The following AGAP1 variants were observed in gnomAD, a reference collection of about 807,000 sequenced individuals.
AGAP1 encodes ArfGAP with GTPase domain, ankyrin repeat and PH domain 1.
Under a neutral mutation model 105.3 loss-of-function variants are expected in AGAP1, and 29 were observed. That is an observed-to-expected ratio of 0.28 (90% CI 0.21 to 0.38). The LOEUF (loss-of-function observed/expected upper bound fraction) is 0.38, where lower values mean the gene tolerates loss of function less well. AGAP1 is among the 10% of genes least tolerant of loss of function. The probability of loss-of-function intolerance (pLI) is 1.00; values close to 1 mark genes in which losing one functional copy is unlikely to be tolerated. For synonymous variants in AGAP1, 509 were observed against 485.9 expected (o/e 1.05, Z -0.63); for missense variants, 998 against 1,165.1 (o/e 0.86, Z 2.09).
chr2:235,612,157 G>A lies in AGAP1; in HGVS notation c.164-97022G>A, dbSNP rs115513797. Among the ~76,000 whole-genome samples, 2 of 152,286 alleles carry A rather than the reference G, an allele frequency of 1.3e-5. No individual in the cohort carries two copies. Among genetic ancestry groups the A allele is most frequent in the Non-Finnish European group, 1.5e-5 (1 of 68,030 alleles). ...TTCCAGATGGCTTATTGTTTCACAC[G>A]TTTTCTTTTCTCAGTGAAGCCCAGG... On this transcript the variant is annotated intron_variant, in intron 1 of 17. Coordinates refer to ENST00000304032, the MANE Select transcript of AGAP1 (RefSeq NM_001037131.3). The surrounding 1 kb of genome is among the most constrained non-coding windows in gnomAD (Gnocchi z 4.3).
At chr2:235,542,218 G>A (rs568069685) in intron 1 of AGAP1, among the ~76,000 whole-genome samples, 3 of 114,128 alleles carry the variant, frequency 2.6e-5, no homozygotes, top group East Asian at 4.1e-4. Context: ...AGTGGGTCCC[G>A]GGGGGGGGCC....
chr2:235,669,860 G>C (rs1948279512), intron 1 of AGAP1: 1 of 147,642 alleles, frequency 6.8e-6, no homozygotes, highest in Admixed American at 6.7e-5. Flanking sequence ...CTGACCGGCC[G>C]CCTCGCTTGG....
At position 236,053,273 on chromosome 2, in the gene AGAP1, C is replaced by T. The variant is rs1043407804; in HGVS notation, c.2114+3992C>T. Among the ~76,000 whole-genome samples, 1 of 152,160 alleles carries T rather than the reference C, an allele frequency of 6.6e-6. No individual in the cohort carries two copies. The highest frequency in any genetic ancestry group is 2.4e-5 in the African/African-American group (1 of 41,428). On this transcript the variant is annotated intron_variant, in intron 16 of 17. Transcript: ENST00000304032. This position sits in a 1 kb window ranked among gnomAD's most constrained non-coding sequence, Gnocchi z 4.6. ...TCTCCTGCATGAATGAATGATTGAA[C>T]GAGTAAATGAGTGAAAGCGGGAACT...
rs1225658799 is a variant in AGAP1 at position 235,714,837 on chromosome 2, C to T, written c.223-2720C>T. Among the ~76,000 whole-genome samples the T allele has an allele frequency of 1.3e-5, 2 of 152,162 alleles. No homozygotes were observed. The highest frequency in any genetic ancestry group is 4.8e-5 in the African/African-American group (2 of 41,432). On this transcript the variant is annotated intron_variant, in intron 2 of 17. Transcript: ENST00000304032. This position sits in a 1 kb window ranked among gnomAD's most constrained non-coding sequence, Gnocchi z 4.1. ...GTTTTGAGACAGAGTCTCGCTCTGT[C>T]ACCCAGGCTGGAGTCCAGTGGTGTA...
At chr2:235,885,554 A>G (rs2050237010) in intron 10 of AGAP1, among the ~76,000 whole-genome samples, 1 of 152,184 alleles carries the variant, frequency 6.6e-6, no homozygotes, top group Non-Finnish European at 1.5e-5. Context: ...GAAAGGTTGT[A>G]TCAGTTTATC....
Position 235,569,477 on chromosome 2 carries a change from G to A in AGAP1, c.163+74628G>A, listed in dbSNP as rs997362482. ...GAAACTTAGGCACAGAGAGACTTTTGGTGGCTCTATAGGCAGTAAAGGGCA... is the reference window on the plus strand; with the variant it reads ...GAAACTTAGGCACAGAGAGACTTTTAGTGGCTCTATAGGCAGTAAAGGGCA... On this transcript the variant is annotated intron_variant, in intron 1 of 17. Transcript: ENST00000304032. This position sits in a 1 kb window ranked among gnomAD's most constrained non-coding sequence, Gnocchi z 5.9. Among the ~76,000 whole-genome samples the A allele has an allele frequency of 6.6e-6, 1 of 152,134 alleles. No individual in the cohort carries two copies. Among genetic ancestry groups the A allele is most frequent in the Admixed American group, 6.5e-5 (1 of 15,268 alleles).
intron 1 of AGAP1, among the ~76,000 whole-genome samples, chr2:235,661,135 G>C (rs986188696): frequency 2.0e-5 from 3 of 152,052 alleles, no homozygotes; most frequent in African/African-American, 7.2e-5. Flanking sequence ...TGTGTGCTGT[G>C]GGAATCCTGA....
rs188222093 is a variant in AGAP1, at chr2:236,104,030, G to T, written c.2115-16162G>T. Among the ~76,000 whole-genome samples, 1 of 152,242 alleles carries T rather than the reference G, an allele frequency of 6.6e-6. No individual in the cohort carries two copies. Among genetic ancestry groups the T allele is most frequent in the East Asian group, 1.9e-4 (1 of 5,200 alleles). On this transcript the variant is annotated intron_variant, in intron 16 of 17. Coordinates refer to ENST00000304032, the MANE Select transcript of AGAP1 (RefSeq NM_001037131.3). The surrounding 1 kb of genome is among the most constrained non-coding windows in gnomAD (Gnocchi z 4.7). ...GGAGGGTTTTATCCCCTTTTTGCGG[G>T]TAGGGAAATTGAATATTCAAACCCA...
In AGAP1 at chr2:235,888,448, G is replaced by A. The variant is rs979167684; in HGVS notation, c.1155+4999G>A. 7.2e-5 allele frequency among the ~76,000 whole-genome samples: 11 copies of A among 151,978 alleles called. No homozygotes were observed. Among genetic ancestry groups the A allele is most frequent in the South Asian group, 2.1e-4 (1 of 4,808 alleles). On this transcript the variant is annotated intron_variant, in intron 10 of 17. Coordinates refer to ENST00000304032, the MANE Select transcript of AGAP1 (RefSeq NM_001037131.3). This position sits in a 1 kb window ranked among gnomAD's most constrained non-coding sequence, Gnocchi z 4.8. Reference sequence around the variant, plus strand: ...AGTCAACCAAATTAAATTCCCAGGCGAGCTCCCCAACCAGTCCTCCCTAGA... The same window carrying A: ...AGTCAACCAAATTAAATTCCCAGGCAAGCTCCCCAACCAGTCCTCCCTAGA...
At chr2:236,077,323 CTTT>C (rs552986627) in intron 16 of AGAP1, among the ~76,000 whole-genome samples, 1 of 136,526 alleles carries the variant, frequency 7.3e-6, no homozygotes. Context: ...ATGTATGTCT[CTTT>C]TTTTTTTTTT....
At chr2:235,743,161 T>C (rs931787873) in intron 4 of AGAP1, among the ~76,000 whole-genome samples, 2 of 152,194 alleles carry the variant, frequency 1.3e-5, no homozygotes, top group Non-Finnish European at 2.9e-5. Flanking sequence ...AGCGAGACTT[T>C]GTCTCAAAAA....
intron 1 of AGAP1, among the ~76,000 whole-genome samples, chr2:235,667,497 G>A (rs997482508): frequency 3.3e-5 from 5 of 152,030 alleles, no homozygotes; most frequent in Admixed American, 2.6e-4. Flanking sequence ...CCAAACCCCA[G>A]ATTTCACCCT....
chr2:236,068,669 G>A (rs985897595), intron 16 of AGAP1, among the ~76,000 whole-genome samples: 1 of 148,530 alleles, frequency 6.7e-6, no homozygotes, highest in Non-Finnish European at 1.5e-5. Context: ...GCGTGGTGGC[G>A]GGCGCCTGTA....
At position 235,753,605 on chromosome 2, in the gene AGAP1, C is replaced by T. The variant is rs1245247575; in HGVS notation, c.673+3117C>T. Among the ~76,000 whole-genome samples, 1 of 151,946 alleles carries T rather than the reference C, an allele frequency of 6.6e-6. No individual in the cohort carries two copies. The highest frequency in any genetic ancestry group is 1.5e-5 in the Non-Finnish European group (1 of 68,008). ...CCTGTAATCCCAGCTACTCAGGAAGCCAAGGCAGGAGAATCGCTTGAACCT... is the reference window on the plus strand; with the variant it reads ...CCTGTAATCCCAGCTACTCAGGAAGTCAAGGCAGGAGAATCGCTTGAACCT... On this transcript the variant is annotated intron_variant, in intron 6 of 17. Coordinates refer to ENST00000304032, the MANE Select transcript of AGAP1 (RefSeq NM_001037131.3). This position sits in a 1 kb window ranked among gnomAD's most constrained non-coding sequence, Gnocchi z 4.5.
Position 236,076,122 on chromosome 2 carries a change from A to G in AGAP1, c.2114+26841A>G, listed in dbSNP as rs1339602174. On this transcript the variant is annotated intron_variant, in intron 16 of 17. Transcript: ENST00000304032. The surrounding 1 kb of genome is among the most constrained non-coding windows in gnomAD (Gnocchi z 4.4). ...CAATCAGATCTAGGAATTGAAAGTCAGATTGGTTTCACAAGAGAATATTGT... is the reference window on the plus strand; with the variant it reads ...CAATCAGATCTAGGAATTGAAAGTCGGATTGGTTTCACAAGAGAATATTGT... 1.3e-5 allele frequency among the ~76,000 whole-genome samples: 2 copies of G among 152,220 alleles called. No individual in the cohort carries two copies. Among genetic ancestry groups the G allele is most frequent in the African/African-American group, 4.8e-5 (2 of 41,462 alleles).
chr2:235,498,047 A>AG (rs35697071), intron 1 of AGAP1, among the ~76,000 whole-genome samples: 48,549 of 151,998 alleles, frequency 0.32, 9,898 homozygotes, highest in African/African-American at 0.58. Context: ...AGCCTTGTCC[A>AG]GGGGAAGGAT....
rs2054733113 is a variant in AGAP1, at chr2:235,973,403, G to A, written c.1645+4780G>A. 6.6e-6 allele frequency among the ~76,000 whole-genome samples: 1 copy of A among 152,218 alleles called. No individual in the cohort carries two copies. Among genetic ancestry groups the A allele is most frequent in the South Asian group, 2.1e-4 (1 of 4,828 alleles). On this transcript the variant is annotated intron_variant, in intron 13 of 17. Transcript: ENST00000304032. The surrounding 1 kb of genome is among the most constrained non-coding windows in gnomAD (Gnocchi z 4.7). ...TGGGTTCTGAGGATTACCAGGAGAT[G>A]TGTGGATGACAGAGCCCGTCGCTAG...
In AGAP1 at chr2:235,981,176, G is replaced by A. The variant is rs1039552603; in HGVS notation, c.1645+12553G>A. On this transcript the variant is annotated intron_variant, in intron 13 of 17. Coordinates refer to ENST00000304032, the MANE Select transcript of AGAP1 (RefSeq NM_001037131.3). The surrounding 1 kb of genome is among the most constrained non-coding windows in gnomAD (Gnocchi z 5.5). Reference sequence around the variant, plus strand: ...TGAACTTGCCAACACATGCTGCCTCGGGGCCTGTGGTCACTAAGCTTATAT... The same window carrying A: ...TGAACTTGCCAACACATGCTGCCTCAGGGCCTGTGGTCACTAAGCTTATAT... 7.2e-5 allele frequency among the ~76,000 whole-genome samples: 11 copies of A among 152,122 alleles called. No homozygotes were observed. Among genetic ancestry groups the A allele is most frequent in the South Asian group, 2.1e-4 (1 of 4,822 alleles).
intron 12 of AGAP1, among the ~76,000 whole-genome samples, chr2:235,939,913 C>G (rs2053181372): frequency 6.6e-6 from 1 of 152,154 alleles, no homozygotes; most frequent in Non-Finnish European, 1.5e-5. Flanking sequence ...GACCATTCCT[C>G]TAGACTCAGA....
Sources: gnomAD v4.1 joint callset for allele counts (sites outside exome capture counted in the v4.1 genomes callset) on GRCh38, gnomAD v4.1.1 for gene constraint, Gnocchi (gnomAD v3.1) non-coding constraint, MANE v1.5 for transcripts, NCBI Gene and HGNC (gene_info 2026-07-23, HGNC 2026-07-21) for gene names.